Variants in SPMIP2 observed in about 807,000 individuals in gnomAD.
SPMIP2 encodes the protein sperm microtubule inner protein 2.
At chr4:159,018,764 T>C in the SPMIP2 span, among the ~76,000 whole-genome samples, 3 of 151,996 alleles carry the variant, frequency 2.0e-5, no homozygotes, top group African/African-American at 7.2e-5. Context: ...AGTCAACAGG[T>C]GGTTTTGATA....
At chr4:158,954,301 G>A in the SPMIP2 span, among the ~76,000 whole-genome samples, 1 of 152,144 alleles carries the variant, frequency 6.6e-6, no homozygotes. Flanking sequence ...TTTATCAGGG[G>A]TTTCCACTTT....
the SPMIP2 span, chr4:158,893,845 TGTTATA>T: frequency 3.3e-6 from 2 of 610,332 alleles, no homozygotes; most frequent in East Asian, 2.8e-5. Context: ...AGCAATAAAT[TGTTATA>T]GTTAATTCTT....
At chr4:159,001,841 C>T in the SPMIP2 span, among the ~76,000 whole-genome samples, 157 of 152,302 alleles carry the variant, frequency 1.0e-3, no homozygotes, top group Admixed American at 1.5e-3. Context: ...CACTAATTTA[C>T]ATTCCACTGG....
At chr4:159,008,600 A>G in the SPMIP2 span, among the ~76,000 whole-genome samples, 3 of 152,196 alleles carry the variant, frequency 2.0e-5, no homozygotes, top group Non-Finnish European at 4.4e-5. Flanking sequence ...AATTCATGTA[A>G]AGAATTATGA....
chr4:159,051,294 C>A, the SPMIP2 span, among the ~76,000 whole-genome samples: 1 of 152,038 alleles, frequency 6.6e-6, no homozygotes, highest in South Asian at 2.1e-4. Context: ...TAGCACATAG[C>A]TTTTTTATTG....
the SPMIP2 span, among the ~76,000 whole-genome samples, chr4:158,945,248 A>T: frequency 6.6e-6 from 1 of 152,088 alleles, no homozygotes; most frequent in Non-Finnish European, 1.5e-5. Context: ...CTCCACAGAC[A>T]GCCTCTGTGC....
At chr4:158,989,003 A>G in the SPMIP2 span, among the ~76,000 whole-genome samples, 2 of 152,176 alleles carry the variant, frequency 1.3e-5, no homozygotes, top group African/African-American at 4.8e-5. Flanking sequence ...TCAGCCCAAA[A>G]TCTCCTTAAG....
chr4:158,907,129 C>T, the SPMIP2 span: 1 of 152,174 alleles, frequency 6.6e-6, no homozygotes, highest in Admixed American at 6.5e-5. Flanking sequence ...GGACCTCTTT[C>T]TAGCATGTTG....
chr4:158,982,815 G>A, the SPMIP2 span, among the ~76,000 whole-genome samples: 1 of 152,146 alleles, frequency 6.6e-6, no homozygotes, highest in African/African-American at 2.4e-5. Context: ...GACGGAGAAT[G>A]ACTTTGACAA....
chr4:158,995,456 C>T, the SPMIP2 span, among the ~76,000 whole-genome samples: 1 of 152,158 alleles, frequency 6.6e-6, no homozygotes, highest in Admixed American at 6.5e-5. Flanking sequence ...ATATTTGGCA[C>T]CTTACCACAT....
At chr4:158,963,629 T>G in the SPMIP2 span, among the ~76,000 whole-genome samples, 2 of 152,212 alleles carry the variant, frequency 1.3e-5, no homozygotes, top group African/African-American at 4.8e-5. Flanking sequence ...TCTCACCCCC[T>G]GGTATACACG....
chr4:158,973,010 A>T, the SPMIP2 span: 1 of 1,045,654 alleles, frequency 9.6e-7, no homozygotes, highest in Non-Finnish European at 1.4e-6. Flanking sequence ...TTTCCTTTGG[A>T]AGCAAATTCA....
chr4:158,964,926 T>C, the SPMIP2 span, among the ~76,000 whole-genome samples: 1 of 152,058 alleles, frequency 6.6e-6, no homozygotes, highest in Non-Finnish European at 1.5e-5. Flanking sequence ...ACCCCCACAA[T>C]CCAACTACCT....
At chr4:158,947,993 C>G in the SPMIP2 span, among the ~76,000 whole-genome samples, 1 of 152,162 alleles carries the variant, frequency 6.6e-6, no homozygotes, top group Non-Finnish European at 1.5e-5. Flanking sequence ...TAATCCCCTT[C>G]TCTCCCTGCT....
chr4:159,020,951 C>T, the SPMIP2 span, among the ~76,000 whole-genome samples: 1 of 152,086 alleles, frequency 6.6e-6, no homozygotes, highest in Non-Finnish European at 1.5e-5. Flanking sequence ...TTAGTGGAGA[C>T]GGGGTTTCAC....
the SPMIP2 span, among the ~76,000 whole-genome samples, chr4:159,071,080 C>T: frequency 6.6e-6 from 1 of 152,168 alleles, no homozygotes; most frequent in African/African-American, 2.4e-5. Flanking sequence ...ATGATCAAAG[C>T]ATGGTCTGAT....
the SPMIP2 span, among the ~76,000 whole-genome samples, chr4:159,082,718 C>A: frequency 6.6e-6 from 1 of 152,090 alleles, no homozygotes; most frequent in Non-Finnish European, 1.5e-5. Context: ...TTGCAAAAAC[C>A]ATTCTGGTTA....
At chr4:158,908,638 T>A in the SPMIP2 span, among the ~76,000 whole-genome samples, 1 of 152,192 alleles carries the variant, frequency 6.6e-6, no homozygotes, top group Non-Finnish European at 1.5e-5. Context: ...TCTCTGTCAG[T>A]CTTCATTTGT....
chr4:158,928,815 C>A, the SPMIP2 span, among the ~76,000 whole-genome samples: 6 of 152,054 alleles, frequency 3.9e-5, no homozygotes, highest in South Asian at 1.2e-3. Flanking sequence ...ACCACGAGCC[C>A]ACCGGGAGGA....
Sources: gnomAD v4.1 joint callset for allele counts (sites outside exome capture counted in the v4.1 genomes callset) on GRCh38, gnomAD v4.1.1 for gene constraint, MANE v1.5 for transcripts, NCBI Gene and HGNC (gene_info 2026-07-23, HGNC 2026-07-21) for gene names.